C1QTNF3: variants seen among roughly 807,000 people sequenced by gnomAD.
The protein encoded by C1QTNF3 is complement C1q tumor necrosis factor-related protein 3.
Under a neutral mutation model 32.6 loss-of-function variants are expected in C1QTNF3, and 26 were observed. That is an observed-to-expected ratio of 0.80 (90% CI 0.58 to 1.11). C1QTNF3 has a LOEUF of 1.11. Among genes scored for constraint, C1QTNF3 ranks in the 50% least tolerant of loss-of-function variants. C1QTNF3 has a pLI of 0.00. For synonymous variants in C1QTNF3, 155 were observed against 146.0 expected (o/e 1.06, Z -0.44); for missense variants, 362 against 398.2 (o/e 0.91, Z 0.77).
At chr5:34,067,688 A>G in the C1QTNF3 span, among the ~76,000 whole-genome samples, 3 of 152,368 alleles carry the variant, frequency 2.0e-5, no homozygotes, top group South Asian at 6.2e-4. Context: ...GGATAGGGAC[A>G]CATTAAAACC....
chr5:34,154,032 TAAA>T, the C1QTNF3 span, among the ~76,000 whole-genome samples: 6 of 103,090 alleles, frequency 5.8e-5, no homozygotes, highest in African/African-American at 1.6e-4. Flanking sequence ...ACCTGCAAAA[TAAA>T]AAAAAAAAAT....
chr5:34,073,596 A>T, the C1QTNF3 span, among the ~76,000 whole-genome samples: 1 of 152,236 alleles, frequency 6.6e-6, no homozygotes, highest in Non-Finnish European at 1.5e-5. Context: ...CTCAGACAAG[A>T]GCAAAATTTA....
the C1QTNF3 span, among the ~76,000 whole-genome samples, chr5:34,072,782 A>G: frequency 1.3e-5 from 2 of 152,214 alleles, no homozygotes; most frequent in East Asian, 3.9e-4. Flanking sequence ...TGTAATTATT[A>G]CACTAACATC....
the C1QTNF3 span, among the ~76,000 whole-genome samples, chr5:34,119,368 T>C: frequency 6.6e-6 from 1 of 152,184 alleles, no homozygotes; most frequent in Admixed American, 6.5e-5. Context: ...TGTACAACTT[T>C]AAAGATTAGA....
the C1QTNF3 span, among the ~76,000 whole-genome samples, chr5:34,136,318 C>T: frequency 6.9e-6 from 1 of 144,064 alleles, no homozygotes; most frequent in African/African-American, 2.7e-5. Context: ...AAACAAACAA[C>T]CCCATCCAAA....
intron 1 of C1QTNF3, among the ~76,000 whole-genome samples, chr5:34,040,004 T>C (rs1020324512): frequency 2.0e-5 from 3 of 152,210 alleles, no homozygotes; most frequent in Non-Finnish European, 2.9e-5. Flanking sequence ...TTCAGCAGCA[T>C]TGCATTACAC....
At chr5:34,090,122 A>T in the C1QTNF3 span, among the ~76,000 whole-genome samples, 1 of 152,128 alleles carries the variant, frequency 6.6e-6, no homozygotes, top group Non-Finnish European at 1.5e-5. Context: ...CTGTACTTGT[A>T]AAAATTGCTT....
the C1QTNF3 span, chr5:34,166,799 A>G: frequency 1.3e-5 from 2 of 151,800 alleles, no homozygotes; most frequent in Admixed American, 1.3e-4. Flanking sequence ...TTTTTTTCAA[A>G]TGACATAGTG....
chr5:34,117,667 G>A, the C1QTNF3 span, among the ~76,000 whole-genome samples: 78 of 152,034 alleles, frequency 5.1e-4, no homozygotes, highest in Admixed American at 1.8e-3. Flanking sequence ...ATGGTGGCAG[G>A]TGCCTGTAAT....
At chr5:34,055,249 T>C in the C1QTNF3 span, among the ~76,000 whole-genome samples, 1 of 152,216 alleles carries the variant, frequency 6.6e-6, no homozygotes, top group African/African-American at 2.4e-5. Flanking sequence ...AGTTATCCAA[T>C]TATCTGATTG....
chr5:34,083,575 T>C, the C1QTNF3 span, among the ~76,000 whole-genome samples: 1 of 151,654 alleles, frequency 6.6e-6, no homozygotes, highest in South Asian at 2.1e-4. Context: ...CATATTTATA[T>C]TGTTTAAAAA....
chr5:34,094,428 A>G, the C1QTNF3 span, among the ~76,000 whole-genome samples: 8 of 152,282 alleles, frequency 5.3e-5, no homozygotes, highest in Non-Finnish European at 1.2e-4. Flanking sequence ...TGTGGAGAGT[A>G]GCAAAACACT....
the C1QTNF3 span, among the ~76,000 whole-genome samples, chr5:34,114,649 T>G: frequency 6.6e-6 from 1 of 152,204 alleles, no homozygotes; most frequent in Non-Finnish European, 1.5e-5. Context: ...TTGCTTTTCC[T>G]TTTTGCTCAA....
chr5:34,160,911 A>C, the C1QTNF3 span, among the ~76,000 whole-genome samples: 11 of 152,228 alleles, frequency 7.2e-5, no homozygotes, highest in Non-Finnish European at 1.3e-4. Flanking sequence ...ATATTGGGAA[A>C]AAAAAGAAAG....
the C1QTNF3 span, among the ~76,000 whole-genome samples, chr5:34,229,462 T>C: frequency 6.6e-6 from 1 of 152,168 alleles, no homozygotes; most frequent in South Asian, 2.1e-4. Flanking sequence ...ATTGATGTGG[T>C]AGTCAGAATA....
chr5:34,081,139 G>C, the C1QTNF3 span, among the ~76,000 whole-genome samples: 2 of 151,738 alleles, frequency 1.3e-5, no homozygotes, highest in South Asian at 4.1e-4. Flanking sequence ...TCTGTGATTG[G>C]TTATAAAGAT....
intron 5 of C1QTNF3, among the ~76,000 whole-genome samples, 161 bp downstream of exon 5, chr5:34,023,748 A>C (rs1427062920): frequency 6.6e-6 from 1 of 152,218 alleles, no homozygotes; most frequent in Non-Finnish European, 1.5e-5. Context: ...TTTCCCAAAC[A>C]ATAATGATGA....
At chr5:34,080,270 G>C in the C1QTNF3 span, among the ~76,000 whole-genome samples, 2 of 151,622 alleles carry the variant, frequency 1.3e-5, no homozygotes, top group Admixed American at 1.3e-4. Context: ...GCAAAGTGAT[G>C]CACATAACTC....
At chr5:34,063,126 G>A in the C1QTNF3 span, among the ~76,000 whole-genome samples, 1 of 152,068 alleles carries the variant, frequency 6.6e-6, no homozygotes, top group Non-Finnish European at 1.5e-5. Flanking sequence ...TCATGGAGAA[G>A]ACCTCCAATT....
Sources: allele counts gnomAD v4.1 joint callset (sites outside exome capture counted in the v4.1 genomes callset), GRCh38; gene constraint gnomAD v4.1.1; transcripts MANE v1.5; gene names NCBI Gene and HGNC (gene_info 2026-07-23, HGNC 2026-07-21).